Variants in SCMH1 observed in about 807,000 individuals in gnomAD.
SCMH1 encodes polycomb protein SCMH1.
SCMH1 carries 37 observed loss-of-function variants against 70.8 expected under a neutral mutation model. The ratio of observed to expected loss-of-function variants is 0.52; its 90% CI spans 0.40 to 0.69. The LOEUF (loss-of-function observed/expected upper bound fraction) is 0.69, where lower values mean the gene tolerates loss of function less well. Ranked by LOEUF, SCMH1 falls within the 30% of genes least tolerant of loss-of-function variation. SCMH1 has a pLI of 0.00. For missense variants in SCMH1, 607 were observed against 827.3 expected (o/e 0.73, Z 3.27); for synonymous variants, 292 against 307.4 (o/e 0.95, Z 0.52).
chr1:41,194,057 C>T (rs955187994), intron 1 of SCMH1, among the ~76,000 whole-genome samples: 3 of 152,132 alleles, frequency 2.0e-5, no homozygotes, highest in African/African-American at 7.2e-5. Flanking sequence ...CTTTATCTTA[C>T]AGCTATTAGT....
intron 6 of SCMH1, among the ~76,000 whole-genome samples, chr1:41,142,335 C>T (rs1407524604): frequency 1.3e-5 from 2 of 152,014 alleles, no homozygotes; most frequent in Non-Finnish European, 2.9e-5. Context: ...TTTATTGAGG[C>T]AAAAGCTGGA....
At chr1:41,069,348 T>C (rs933340629) in intron 10 of SCMH1, among the ~76,000 whole-genome samples, 1 of 152,156 alleles carries the variant, frequency 6.6e-6, no homozygotes, top group African/African-American at 2.4e-5. Context: ...GACAGCAATA[T>C]AGACATGCTA....
chr1:41,064,414 G>C (rs1192697218), intron 10 of SCMH1, among the ~76,000 whole-genome samples: 1 of 152,116 alleles, frequency 6.6e-6, no homozygotes, highest in Non-Finnish European at 1.5e-5. Flanking sequence ...CAAAAAGTAA[G>C]ATAAAAAGAA....
chr1:41,201,240 T>C (rs1212620384), intron 1 of SCMH1, among the ~76,000 whole-genome samples: 2 of 152,152 alleles, frequency 1.3e-5, no homozygotes, highest in Non-Finnish European at 2.9e-5. Context: ...ATCCATGGCA[T>C]TATCTAGGGT....
At chr1:41,090,342 CTCT>C (rs1663046195) in intron 8 of SCMH1, among the ~76,000 whole-genome samples, 2 of 151,864 alleles carry the variant, frequency 1.3e-5, no homozygotes, top group Non-Finnish European at 1.5e-5. Flanking sequence ...TTTTGCAAAT[CTCT>C]TCATCTCTGA....
At chr1:41,041,273 A>G (rs1482359406) in intron 12 of SCMH1, 1 of 152,172 alleles carries the variant, frequency 6.6e-6, no homozygotes, top group Non-Finnish European at 1.5e-5. Context: ...CACATCGTTT[A>G]CTGCTCTTTC....
chr1:41,059,478 C>T (rs768154987), intron 10 of SCMH1, among the ~76,000 whole-genome samples: 5 of 152,162 alleles, frequency 3.3e-5, no homozygotes, highest in Non-Finnish European at 7.3e-5. Flanking sequence ...CAGCCAAACT[C>T]CAGGAAGATC....
At chr1:41,057,100 A>C (rs1380118331) in intron 10 of SCMH1, among the ~76,000 whole-genome samples, 3 of 151,768 alleles carry the variant, frequency 2.0e-5, no homozygotes, top group Admixed American at 1.3e-4. Flanking sequence ...ATTCTATCCA[A>C]CCCAAAGAGG....
At chr1:41,124,306 T>C (rs1447741373) in intron 6 of SCMH1, among the ~76,000 whole-genome samples, 2 of 152,156 alleles carry the variant, frequency 1.3e-5, no homozygotes, top group Non-Finnish European at 2.9e-5. Context: ...TGCAGTATTA[T>C]CACACTCAGG....
intron 13 of SCMH1, 63 bp from the exon 15 acceptor site, chr1:41,028,789 T>C: frequency 6.4e-7 from 1 of 1,571,290 alleles, no homozygotes; most frequent in Non-Finnish European, 8.7e-7. Context: ...CCCACCACTC[T>C]CCTTGGCACA....
chr1:41,103,666 C>A (rs951598476), intron 8 of SCMH1, among the ~76,000 whole-genome samples: 2 of 152,196 alleles, frequency 1.3e-5, no homozygotes, highest in African/African-American at 4.8e-5. Context: ...TAAATCACAT[C>A]TCACTATTTC....
At chr1:41,138,421 G>A (rs954720275) in intron 6 of SCMH1, among the ~76,000 whole-genome samples, 4 of 151,980 alleles carry the variant, frequency 2.6e-5, no homozygotes, top group Non-Finnish European at 4.4e-5. Flanking sequence ...TATACATATC[G>A]TGTACATATA....
At chr1:41,080,444 A>G (rs1435804015) in intron 8 of SCMH1, among the ~76,000 whole-genome samples, 1 of 152,114 alleles carries the variant, frequency 6.6e-6, no homozygotes, top group Admixed American at 6.5e-5. Flanking sequence ...ACTATAGACT[A>G]ATATCCCTCA....
intron 2 of SCMH1, among the ~76,000 whole-genome samples, chr1:41,168,981 G>A (rs1172942403): frequency 6.6e-6 from 1 of 152,156 alleles, no homozygotes; most frequent in African/African-American, 2.4e-5. Context: ...CTGAGCCTGA[G>A]CATTTATGTC....
Position 41,087,937 on chromosome 1 carries a change from GGTGTGT to G in SCMH1, c.746-12492_746-12487del, listed in dbSNP as rs55721560. On this transcript the variant is annotated intron_variant, in intron 8 of 14. Transcript: ENST00000337495. Reference sequence around the variant, plus strand: ...AATCTATACACTATATATAGTTTCTGGTGTGTGTGTGTGTGTGTGTGTGTGTGTATT... The same window carrying G: ...AATCTATACACTATATATAGTTTCTGGTGTGTGTGTGTGTGTGTGTGTATT... Among the ~76,000 whole-genome samples the G allele has an allele frequency of 4.4e-4, 61 of 139,908 alleles. 1 individual carries two copies. In the South Asian group the frequency reaches 9.4e-3, roughly 22 times the overall value. The allele number at this position is 139,908 out of a possible 152,430, so 91.8% of individuals were successfully genotyped here.
At chr1:41,146,487 C>A (rs1365953221) in intron 5 of SCMH1, among the ~76,000 whole-genome samples, 1 of 151,934 alleles carries the variant, frequency 6.6e-6, no homozygotes, top group African/African-American at 2.4e-5. Context: ...CCTCCAAGCT[C>A]CATTCAAGGT....
At chr1:41,231,967 G>A (rs1244697606) in intron 1 of SCMH1, among the ~76,000 whole-genome samples, 4 of 150,536 alleles carry the variant, frequency 2.7e-5, no homozygotes, top group East Asian at 3.9e-4. Context: ...AGGTTACAGC[G>A]AGCCAAGATC....
intron 2 of SCMH1, among the ~76,000 whole-genome samples, chr1:41,174,261 AT>A (rs140469563): frequency 0.12 from 16,982 of 141,824 alleles, 1,213 homozygotes; most frequent in East Asian, 0.28. Context: ...AAAGTCTCCA[AT>A]TTTTTTTTTT....
At chr1:41,169,335 C>T (rs1646632872) in intron 2 of SCMH1, among the ~76,000 whole-genome samples, 1 of 151,724 alleles carries the variant, frequency 6.6e-6, no homozygotes, top group Admixed American at 6.6e-5. Flanking sequence ...AGCCAGGCTG[C>T]CAAGTAGCTG....
Sources: allele counts gnomAD v4.1 joint callset (sites outside exome capture counted in the v4.1 genomes callset), GRCh38; gene constraint gnomAD v4.1.1; transcripts MANE v1.5; gene names NCBI Gene and HGNC (gene_info 2026-07-23, HGNC 2026-07-21).